The following TBC1D22B variants were observed in gnomAD, a reference collection of about 807,000 sequenced individuals.
The protein encoded by TBC1D22B is TBC1 domain family member 22B, also known as chromosome 6 open reading frame 197.
TBC1D22B carries 32 observed loss-of-function variants against 69.1 expected under a neutral mutation model. The observed-to-expected ratio is 0.46, with a 90% CI of 0.35 to 0.62. The LOEUF is 0.62. TBC1D22B is among the 20% of genes least tolerant of loss of function. TBC1D22B has a pLI of 0.00. For synonymous variants in TBC1D22B, 206 were observed against 229.8 expected, an observed-to-expected ratio of 0.90 and a Z score of 0.94; for missense variants, 462 against 630.9, an observed-to-expected ratio of 0.73 and a Z score of 2.87.
At chr6:37,262,753 A>G (rs1198963328) in intron 1 of TBC1D22B, among the ~76,000 whole-genome samples, 1 of 152,210 alleles carries the variant, frequency 6.6e-6, no homozygotes, top group African/African-American at 2.4e-5. Flanking sequence ...GTGAACCTAC[A>G]TCAGTTGCCA....
chr6:37,312,141 A>G (rs1373825011), intron 8 of TBC1D22B, among the ~76,000 whole-genome samples: 2 of 152,242 alleles, frequency 1.3e-5, no homozygotes, highest in African/African-American at 4.8e-5. Flanking sequence ...AATGCTGGAT[A>G]AACAAAGTTA....
chr6:37,265,107 G>A (rs371618926), intron 1 of TBC1D22B, among the ~76,000 whole-genome samples: 52 of 152,300 alleles, frequency 3.4e-4, no homozygotes, highest in African/African-American at 1.1e-3. Context: ...GATACATCAT[G>A]GTTCAGTTCA....
At chr6:37,278,153 A>C (rs1355185033) in intron 2 of TBC1D22B, among the ~76,000 whole-genome samples, 1 of 152,088 alleles carries the variant, frequency 6.6e-6, no homozygotes, top group African/African-American at 2.4e-5. Flanking sequence ...GAACCATATA[A>C]ATACTCAGTG....
chr6:37,316,239 A>T (rs1317357475), intron 10 of TBC1D22B, among the ~76,000 whole-genome samples: 1 of 152,068 alleles, frequency 6.6e-6, no homozygotes, highest in African/African-American at 2.4e-5. Flanking sequence ...CCTTGAGTGG[A>T]GTTTGTGAGC....
At chr6:37,281,697 C>T (rs928249708) in intron 3 of TBC1D22B, among the ~76,000 whole-genome samples, 2 of 152,162 alleles carry the variant, frequency 1.3e-5, no homozygotes, top group Admixed American at 1.3e-4. Context: ...TTTGTGGTGT[C>T]ATCTGCAGTG....
chr6:37,265,384 C>T (rs1766238383), intron 1 of TBC1D22B, among the ~76,000 whole-genome samples: 1 of 152,206 alleles, frequency 6.6e-6, no homozygotes, highest in Non-Finnish European at 1.5e-5. Context: ...TCTACCCAGT[C>T]ACCTTACCTA....
intron 12 of TBC1D22B, chr6:37,324,166 T>C: frequency 2.5e-6 from 1 of 393,482 alleles, no homozygotes; most frequent in Non-Finnish European, 5.2e-6. Context: ...GTTCCAGTAC[T>C]GCAAAGTGAT....
intron 1 of TBC1D22B, among the ~76,000 whole-genome samples, chr6:37,263,655 C>A (rs1766180200): frequency 1.3e-5 from 2 of 152,226 alleles, no homozygotes; most frequent in Non-Finnish European, 2.9e-5. Context: ...CCGATCTCCG[C>A]TCACTGCAAC....
chr6:37,313,131 C>G (rs1393615237), intron 9 of TBC1D22B, 107 bp downstream of exon 9: 2 of 786,340 alleles, frequency 2.5e-6, no homozygotes, highest in Non-Finnish European at 4.5e-6. Flanking sequence ...CACCCACCCA[C>G]CCACTATGGC....
chr6:37,273,964 C>T (rs1387602151), intron 2 of TBC1D22B, among the ~76,000 whole-genome samples: 2 of 152,208 alleles, frequency 1.3e-5, no homozygotes, highest in East Asian at 1.9e-4. Flanking sequence ...TGCACAAGCA[C>T]AGTAAGTCGT....
chr6:37,259,383 C>T (rs1765988074), intron 1 of TBC1D22B, among the ~76,000 whole-genome samples: 1 of 152,136 alleles, frequency 6.6e-6, no homozygotes, highest in Admixed American at 6.5e-5. Flanking sequence ...AGTGAGCTCT[C>T]TAGTTGTGCT....
intron 1 of TBC1D22B, 166 bp downstream of exon 1, chr6:37,258,139 C>G (rs1765890923): frequency 1.3e-6 from 1 of 751,286 alleles, no homozygotes; most frequent in Non-Finnish European, 2.1e-6. Context: ...AAGCGAACAG[C>G]GAGCTTTGGG....
At chr6:37,271,510 G>T (rs1766481483) in intron 2 of TBC1D22B, among the ~76,000 whole-genome samples, 1 of 152,156 alleles carries the variant, frequency 6.6e-6, no homozygotes, top group Non-Finnish European at 1.5e-5. Context: ...GAGAGGCTGT[G>T]CCTGTGTGGG....
At chr6:37,298,539 GTTTTTTT>G (rs34996865) in intron 8 of TBC1D22B, among the ~76,000 whole-genome samples, 4 of 71,258 alleles carry the variant, frequency 5.6e-5, no homozygotes, top group East Asian at 4.3e-4. Flanking sequence ...GTTGCCTACA[GTTTTTTT>G]TTTTTTTTTT....
chr6:37,271,981 A>G (rs1468204928), intron 2 of TBC1D22B, among the ~76,000 whole-genome samples: 1 of 152,018 alleles, frequency 6.6e-6, no homozygotes, highest in East Asian at 1.9e-4. Flanking sequence ...CAGTGAGTAA[A>G]TATTTATTGA....
intron 12 of TBC1D22B, among the ~76,000 whole-genome samples, chr6:37,323,107 G>A (rs964110425): frequency 3.9e-5 from 6 of 152,120 alleles, no homozygotes; most frequent in East Asian, 1.9e-4. Context: ...CAGCAGCAGC[G>A]AAGCCCAGAA....
intron 1 of TBC1D22B, among the ~76,000 whole-genome samples, chr6:37,260,799 C>T (rs927176162): frequency 5.9e-5 from 9 of 152,252 alleles, no homozygotes; most frequent in African/African-American, 9.6e-5. Flanking sequence ...GGCTTGTCCA[C>T]GCTGTAGTAT....
chr6:37,304,178 GCAC>G (rs1467548077), intron 8 of TBC1D22B, among the ~76,000 whole-genome samples: 2 of 152,218 alleles, frequency 1.3e-5, no homozygotes, highest in East Asian at 1.9e-4. Context: ...TGGAGGTGGA[GCAC>G]CACCACTTAG....
chr6:37,295,376 G>C (rs930285242), intron 8 of TBC1D22B, among the ~76,000 whole-genome samples: 2 of 152,180 alleles, frequency 1.3e-5, no homozygotes. Flanking sequence ...AAAGTCCTGA[G>C]AGTATAGGCG....
Sources: gnomAD v4.1 joint callset for allele counts (sites outside exome capture counted in the v4.1 genomes callset) on GRCh38, gnomAD v4.1.1 for gene constraint, MANE v1.5 for transcripts, NCBI Gene and HGNC (gene_info 2026-07-23, HGNC 2026-07-21) for gene names.